The following YAP1 variants were observed in gnomAD, a reference collection of about 807,000 sequenced individuals.
The protein encoded by YAP1 is transcriptional coactivator YAP1.
A neutral mutation model predicts 56.9 loss-of-function variants in YAP1; 5 were observed. The ratio of observed to expected loss-of-function variants is 0.09; its 90% confidence interval spans 0.05 to 0.18. The LOEUF is 0.18. Ranked by LOEUF, YAP1 falls within the 10% of genes least tolerant of loss-of-function variation. The pLI is 1.00. For synonymous variants in YAP1, 265 were observed against 248.1 expected, an observed-to-expected ratio of 1.07 and a Z score of -0.64; for missense variants, 539 against 651.8, an observed-to-expected ratio of 0.83 and a Z score of 1.88.
chr11:102,128,335 A>T (rs959447607), intron 2 of YAP1, among the ~76,000 whole-genome samples: 1 of 151,996 alleles, frequency 6.6e-6, no homozygotes, highest in Non-Finnish European at 1.5e-5. Flanking sequence ...TTCCCGTGCT[A>T]TTCTCATGAT....
intron 5 of YAP1, 33 bp from the exon 6 acceptor site, chr11:102,209,479 TTAAAG>T (rs1220971774): frequency 6.3e-7 from 1 of 1,591,080 alleles, no homozygotes; most frequent in Non-Finnish European, 8.6e-7. Context: ...ACCATGTGGC[TTAAAG>T]TAATTTTTAT....
intron 6 of YAP1, among the ~76,000 whole-genome samples, chr11:102,222,490 C>A (rs954399122): frequency 1.3e-5 from 2 of 152,170 alleles, no homozygotes; most frequent in Non-Finnish European, 2.9e-5. Context: ...CAAATACAGG[C>A]TGAAACCTGG....
chr11:102,142,416 AT>A (rs907072405), intron 2 of YAP1, among the ~76,000 whole-genome samples: 3 of 152,248 alleles, frequency 2.0e-5, no homozygotes, highest in Admixed American at 1.3e-4. Context: ...TGGAAAAGAA[AT>A]TAAAGAAGTT....
At chr11:102,200,461 T>TA (rs1948792829) in intron 4 of YAP1, among the ~76,000 whole-genome samples, 1 of 148,950 alleles carries the variant, frequency 6.7e-6, no homozygotes, top group Non-Finnish European at 1.5e-5. Context: ...TTTTTTTTTT[T>TA]AGACAAGAGT....
intron 1 of YAP1, among the ~76,000 whole-genome samples, chr11:102,113,418 T>C (rs7116228): frequency 0.26 from 40,003 of 152,016 alleles, 5,330 homozygotes; most frequent in East Asian, 0.34. Flanking sequence ...AACTCAGATC[T>C]TTGGGGTCTG....
At chr11:102,189,586 A>C (rs1472783037) in intron 4 of YAP1, among the ~76,000 whole-genome samples, 1 of 152,154 alleles carries the variant, frequency 6.6e-6, no homozygotes, top group Non-Finnish European at 1.5e-5. Flanking sequence ...GAGTGACAAA[A>C]ACAGAATATT....
At chr11:102,206,101 T>G (rs1268058176) in intron 5 of YAP1, 27 bp downstream of exon 5, 1 of 1,591,364 alleles carries the variant, frequency 6.3e-7, no homozygotes, top group South Asian at 1.1e-5. Context: ...GAAACCAGCC[T>G]TCCACTTTTG....
At chr11:102,158,802 T>C (rs141425587) in intron 2 of YAP1, among the ~76,000 whole-genome samples, 1 of 152,248 alleles carries the variant, frequency 6.6e-6, no homozygotes, top group Non-Finnish European at 1.5e-5. Context: ...ATCAGTGTTT[T>C]CATTACTATA....
intron 2 of YAP1, among the ~76,000 whole-genome samples, chr11:102,145,803 A>G (rs1012831543): frequency 1.3e-5 from 2 of 152,176 alleles, no homozygotes; most frequent in Non-Finnish European, 2.9e-5. Context: ...CAGATCCAAG[A>G]TGCCTTATAT....
At chr11:102,220,632 A>G (rs912796893) in intron 6 of YAP1, among the ~76,000 whole-genome samples, 10 of 152,194 alleles carry the variant, frequency 6.6e-5, no homozygotes, top group African/African-American at 2.2e-4. Context: ...CAGCCAATAG[A>G]CTAGACTAGT....
chr11:102,173,638 A>G (rs1947054454), intron 3 of YAP1, among the ~76,000 whole-genome samples: 1 of 152,298 alleles, frequency 6.6e-6, no homozygotes, highest in Non-Finnish European at 1.5e-5. Context: ...TGTTTTATAG[A>G]TAAAGAAAGT....
chr11:102,223,581 T>C (rs1168211827), intron 6 of YAP1, 41 bp from the exon 7 acceptor site: 3 of 1,601,868 alleles, frequency 1.9e-6, no homozygotes, highest in Non-Finnish European at 2.6e-6. Flanking sequence ...TTAAATGTGT[T>C]AATCAGTAGA....
chr11:102,123,187 T>C (rs1352774730), intron 2 of YAP1, among the ~76,000 whole-genome samples: 1 of 152,182 alleles, frequency 6.6e-6, no homozygotes, highest in African/African-American at 2.4e-5. Flanking sequence ...CAGAGTCATA[T>C]AATGTACTAT....
At chr11:102,113,742 T>C (rs1943109833) in intron 1 of YAP1, among the ~76,000 whole-genome samples, 1 of 152,194 alleles carries the variant, frequency 6.6e-6, no homozygotes, top group South Asian at 2.1e-4. Context: ...AAAATACATA[T>C]TCTTTGTGTT....
chr11:102,122,575 T>A (rs550651331), intron 2 of YAP1, among the ~76,000 whole-genome samples: 2 of 152,052 alleles, frequency 1.3e-5, no homozygotes, highest in African/African-American at 4.8e-5. Flanking sequence ...ATTTAGAAAA[T>A]CCCTTAATAC....
In YAP1 at chr11:102,223,706, G is replaced by A; in HGVS notation, c.1117G>A (p.Glu373Lys). ...AGTGTCTTCTCCCGGGATGTCTCAG[G>A]AATTGAGAACAATGACGACCAATAG... ...NPVSSPGMSQ[E>K]LRTMTTNSSD... is the part of the protein sequence containing the mutation. Residue 373 changes from glutamate (E) to lysine (K), a missense_variant, in exon 7 of 9, where the codon GAA becomes AAA. Glu to Lys is a moderately conservative substitution (Grantham distance 56, BLOSUM62 1). Around this residue, in one of 4 missense-constraint regions of YAP1, gnomAD observed 414 missense variants for 512.4 expected, o/e 0.81. Coordinates refer to ENST00000282441, the MANE Select transcript of YAP1 (RefSeq NM_001130145.3). The A allele has an allele frequency of 6.2e-7, 1 of 1,614,112 alleles. No individual in the cohort carries two copies. Among genetic ancestry groups the A allele is most frequent in the Non-Finnish European group, 8.5e-7 (1 of 1,180,014 alleles).
At chr11:102,192,933 G>T (rs1037043835) in intron 4 of YAP1, among the ~76,000 whole-genome samples, 1 of 152,198 alleles carries the variant, frequency 6.6e-6, no homozygotes, top group Non-Finnish European at 1.5e-5. Context: ...GATGGGGGGT[G>T]TGGGAAGTGC....
rs867829919 is a variant in YAP1 at position 102,110,859 on chromosome 11, G to C, written c.11G>C (p.Gly4Ala). Residue 4 changes from glycine to alanine, a missense_variant, in exon 1 of 9, where the codon GGG (glycine) becomes GCG (alanine). By Grantham distance (60) the Gly-to-Ala change is moderately conservative. This residue lies in a region of YAP1 where 106 missense variants were observed against 86.6 expected (regional missense o/e 1.22). Transcript: ENST00000282441. MDP[G>A]QQPPPQPAPQ... Reference sequence around the variant, plus strand: ...GGGGAGGCAGAAGCCATGGATCCCGGGCAGCAGCCGCCGCCTCAACCGGCC... The same window carrying C: ...GGGGAGGCAGAAGCCATGGATCCCGCGCAGCAGCCGCCGCCTCAACCGGCC... The C allele has an allele frequency of 7.1e-7, 1 of 1,413,468 alleles. No individual in the cohort carries two copies. 87.6% of individuals were successfully genotyped at this position (1,413,468 alleles called of 1,614,324 possible). A position where few individuals can be genotyped will look rare whatever the true frequency, so the allele number is the denominator to read the frequency against.
chr11:102,207,671 A>G (rs987872989), intron 5 of YAP1, among the ~76,000 whole-genome samples: 1 of 152,158 alleles, frequency 6.6e-6, no homozygotes, highest in Admixed American at 6.5e-5. Flanking sequence ...GTACTACCTG[A>G]ACTCTGATTT....
Sources: allele counts gnomAD v4.1 joint callset (sites outside exome capture counted in the v4.1 genomes callset), GRCh38; gene constraint gnomAD v4.1.1; regional missense constraint gnomAD v4.1.1; transcripts MANE v1.5; gene names NCBI Gene and HGNC (gene_info 2026-07-23, HGNC 2026-07-21).